The following RAB31 variants were observed in gnomAD, a reference collection of about 807,000 sequenced individuals.
RAB31 encodes the protein ras-related protein Rab-31.
RAB31 carries 21 observed loss-of-function variants against 25.6 expected under a neutral mutation model. The observed-to-expected ratio is 0.82, with a 90% CI of 0.58 to 1.18. The LOEUF is 1.18. Among genes scored for constraint, RAB31 ranks in the 50% most tolerant of loss-of-function variants. The pLI, the probability that RAB31 is intolerant of heterozygous loss-of-function variation, is 0.00. For missense variants in RAB31, 196 were observed against 250.1 expected, an observed-to-expected ratio of 0.78 and a Z score of 1.46; for synonymous variants, 87 against 84.0, an observed-to-expected ratio of 1.04 and a Z score of -0.20.
At chr18:9,848,567 A>G (rs925827098) in intron 6 of RAB31, among the ~76,000 whole-genome samples, 2 of 152,246 alleles carry the variant, frequency 1.3e-5, no homozygotes, top group African/African-American at 2.4e-5. Flanking sequence ...ACACCTAAAT[A>G]TACTGCAGCA....
rs1303116979 is a variant in RAB31, at chr18:9,805,089, C to T, written c.202-8931C>T. 2.6e-5 allele frequency among the ~76,000 whole-genome samples: 4 copies of T among 151,582 alleles called. No homozygotes were observed. The East Asian group carries it at 5.8e-4, about 22-fold the overall frequency. ...CAATATAATGAGACTCCCATCTCTA[C>T]AAAAAGTTTTTAAAAAATTAGCCAG... On this transcript the variant is annotated intron_variant, in intron 3 of 6. Coordinates refer to ENST00000578921, the MANE Select transcript of RAB31 (RefSeq NM_006868.4).
Position 9,859,333 on chromosome 18 carries a change from G to A in RAB31, c.*8G>A. On this transcript the variant is annotated 3_prime_UTR_variant, in exon 7 of 7. Transcript: ENST00000578921. ...AGCCGCCGGTGCTGTTGACCCAAGGGCCGTGGTCCACGGTACTTGAAGAAG... is the reference window on the plus strand; with the variant it reads ...AGCCGCCGGTGCTGTTGACCCAAGGACCGTGGTCCACGGTACTTGAAGAAG... The A allele has an allele frequency of 6.2e-7, 1 of 1,603,566 alleles. No homozygotes were observed. The highest frequency in any genetic ancestry group is 1.3e-5 in the African/African-American group (1 of 74,756).
At chr18:9,802,053 A>G (rs1217996182) in intron 3 of RAB31, among the ~76,000 whole-genome samples, 1 of 152,230 alleles carries the variant, frequency 6.6e-6, no homozygotes, top group East Asian at 1.9e-4. Context: ...TCCTTATGCC[A>G]ATACCACATT....
intron 2 of RAB31, among the ~76,000 whole-genome samples, chr18:9,778,857 C>T (rs540903890): frequency 5.9e-5 from 9 of 152,272 alleles, no homozygotes; most frequent in South Asian, 4.1e-4. Flanking sequence ...AGTCAATTCA[C>T]AAATATTTTG....
intron 2 of RAB31, chr18:9,786,846 T>C (rs1254020385): frequency 1.3e-5 from 2 of 152,420 alleles, no homozygotes; most frequent in African/African-American, 2.4e-5. Context: ...TTCCACACAG[T>C]GTCATTGGAA....
intron 1 of RAB31, among the ~76,000 whole-genome samples, chr18:9,741,830 G>A (rs983428466): frequency 1.3e-5 from 2 of 152,188 alleles, no homozygotes; most frequent in Non-Finnish European, 2.9e-5. Context: ...CTTCCCATGC[G>A]GTTCCTCTGT....
intron 1 of RAB31, among the ~76,000 whole-genome samples, chr18:9,725,456 C>T (rs982767999): frequency 6.6e-6 from 1 of 152,166 alleles, no homozygotes; most frequent in Non-Finnish European, 1.5e-5. Context: ...GTAACATGCT[C>T]AAGGACTGAC....
intron 5 of RAB31, among the ~76,000 whole-genome samples, chr18:9,821,058 A>G (rs1404169153): frequency 6.6e-6 from 1 of 152,040 alleles, no homozygotes; most frequent in Non-Finnish European, 1.5e-5. Flanking sequence ...GCTGCATCTC[A>G]TAGGTTTTGA....
In RAB31 at chr18:9,809,664, T is replaced by G. The variant is rs573075228; in HGVS notation, c.202-4356T>G. ...ACCTAAGTCTAATTGCTGCTGGATA[T>G]TCCATCATATGGCTAAGCCAAAATT... On this transcript the variant is annotated intron_variant, in intron 3 of 6. Coordinates refer to ENST00000578921, the MANE Select transcript of RAB31 (RefSeq NM_006868.4). 2.6e-5 allele frequency among the ~76,000 whole-genome samples: 4 copies of G among 152,332 alleles called. No individual in the cohort carries two copies. The South Asian group carries it at 6.2e-4, about 24-fold the overall frequency.
At position 9,860,225 on chromosome 18, in the gene RAB31, C is replaced by T. The variant is rs1180056608; in HGVS notation, c.*900C>T. The stretch of plus-strand genomic sequence containing the variant: ...GTCATATCTAGGGGAAGAGAATTAA[C>T]TAGAATTAAATTTAATGTTTGAATC... On this transcript the variant is annotated 3_prime_UTR_variant, in exon 7 of 7. Transcript: ENST00000578921. The T allele has an allele frequency of 6.6e-6, 1 of 152,138 alleles. No individual in the cohort carries two copies. The highest frequency in any genetic ancestry group is 1.5e-5 in the Non-Finnish European group (1 of 68,030). 9.4% of individuals were successfully genotyped at this position (152,138 alleles called of 1,614,324 possible). A position where few individuals can be genotyped will look rare whatever the true frequency, so the allele number is the denominator to read the frequency against.
chr18:9,724,288 C>CAAA (rs796963366), intron 1 of RAB31, among the ~76,000 whole-genome samples: 1 of 46,656 alleles, frequency 2.1e-5, no homozygotes, highest in African/African-American at 5.6e-5. Flanking sequence ...AAAAAAAAAA[C>CAAA]AAAAAAAAAA....
At position 9,717,417 on chromosome 18, in the gene RAB31, G is replaced by A. The variant is rs150254846; in HGVS notation, c.39+8973G>A. On this transcript the variant is annotated intron_variant, in intron 1 of 6. Coordinates refer to ENST00000578921, the MANE Select transcript of RAB31 (RefSeq NM_006868.4). ...GGTGCCTAGGAGACTCGAGTTATCA[G>A]AAAATTGAAGGGGCCTGCAGGACAG... is the stretch of plus-strand genomic sequence containing the variant. 5.5e-4 allele frequency among the ~76,000 whole-genome samples: 84 copies of A among 152,280 alleles called. No homozygotes were observed. The East Asian group carries it at 0.015, about 27-fold the overall frequency.
At chr18:9,838,364 G>T (rs2068715472) in intron 5 of RAB31, among the ~76,000 whole-genome samples, 1 of 152,182 alleles carries the variant, frequency 6.6e-6, no homozygotes, top group South Asian at 2.1e-4. Context: ...ACGCCTGAGT[G>T]TACTCAGGCA....
At chr18:9,736,491 TC>T (rs1246764641) in intron 1 of RAB31, among the ~76,000 whole-genome samples, 1 of 151,888 alleles carries the variant, frequency 6.6e-6, no homozygotes, top group Non-Finnish European at 1.5e-5. Flanking sequence ...CCCTCTCCCC[TC>T]CCTTTTTTTT....
chr18:9,783,377 C>T (rs985801394), intron 2 of RAB31, among the ~76,000 whole-genome samples: 3 of 152,120 alleles, frequency 2.0e-5, no homozygotes, highest in Non-Finnish European at 4.4e-5. Context: ...TTGGTTCCCC[C>T]CCCTTACCTG....
intron 2 of RAB31, among the ~76,000 whole-genome samples, chr18:9,781,563 T>C (rs1383148612): frequency 6.6e-6 from 1 of 152,236 alleles, no homozygotes; most frequent in South Asian, 2.1e-4. Context: ...TCTGCCCGCC[T>C]TGGCCTCCCA....
chr18:9,748,336 C>T (rs1049048788), intron 1 of RAB31, among the ~76,000 whole-genome samples: 1 of 151,086 alleles, frequency 6.6e-6, no homozygotes, highest in Non-Finnish European at 1.5e-5. Flanking sequence ...ATCTCTACCC[C>T]CTACCCCCAA....
intron 5 of RAB31, among the ~76,000 whole-genome samples, chr18:9,819,531 ATTGT>A: frequency 6.6e-6 from 1 of 152,192 alleles, no homozygotes; most frequent in African/African-American, 2.4e-5. Flanking sequence ...CTTTTTCAAG[ATTGT>A]TTGACTATTC....
At chr18:9,849,533 G>C (rs534898195) in intron 6 of RAB31, 1 of 152,368 alleles carries the variant, frequency 6.6e-6, no homozygotes, top group Admixed American at 6.5e-5. Flanking sequence ...CTAGACCCTG[G>C]GGACAGCACG....
Sources: gnomAD v4.1 joint callset for allele counts (sites outside exome capture counted in the v4.1 genomes callset) on GRCh38, gnomAD v4.1.1 for gene constraint, MANE v1.5 for transcripts, NCBI Gene and HGNC (gene_info 2026-07-23, HGNC 2026-07-21) for gene names.